METTL9: variants seen among roughly 807,000 people sequenced by gnomAD.
METTL9 encodes the protein protein-L-histidine N-pros-methyltransferase.
Under a neutral mutation model 36.0 loss-of-function variants are expected in METTL9, and 10 were observed. The ratio of observed to expected loss-of-function variants is 0.28; its 90% confidence interval spans 0.17 to 0.47. METTL9 has a LOEUF of 0.47. Ranked by LOEUF, METTL9 falls within the 20% of genes least tolerant of loss-of-function variation. METTL9 has a pLI of 0.99. For synonymous variants in METTL9, 175 were observed against 149.7 expected (o/e 1.17, Z -1.23); for missense variants, 246 against 383.5 (o/e 0.64, Z 3.00).
chr16:21,637,113 GGGGACCCGAGC>G (rs1966119073), intron 4 of METTL9, among the ~76,000 whole-genome samples: 1 of 152,176 alleles, frequency 6.6e-6, no homozygotes, highest in Admixed American at 6.5e-5. Context: ...CAGTATGGAA[GGGGACCCGAGC>G]GGGTTGCTGC....
At chr16:21,598,677 T>G (rs1490796837), upstream of METTL9, among the ~76,000 whole-genome samples, 2 of 152,200 alleles carry the variant, frequency 1.3e-5, no homozygotes, top group Admixed American at 6.5e-5. Context: ...GAAATGTTGC[T>G]AGGTCTCCTC....
chr16:21,617,746 AAC>A, intron 2 of METTL9, 117 bp from the exon 3 acceptor site: 4 of 909,212 alleles, frequency 4.4e-6, no homozygotes, highest in Non-Finnish European at 6.9e-6. Context: ...AAAAAATCTT[AAC>A]CATGTAATAA....
chr16:21,631,354 C>A (rs773447585), intron 4 of METTL9, among the ~76,000 whole-genome samples: 12 of 151,986 alleles, frequency 7.9e-5, no homozygotes, highest in Non-Finnish European at 1.8e-4. Context: ...TGTTGAAAAC[C>A]TTTTAAGTTT....
At chr16:21,608,495 C>T (rs981273977) in intron 1 of METTL9, among the ~76,000 whole-genome samples, 2 of 152,038 alleles carry the variant, frequency 1.3e-5, no homozygotes, top group African/African-American at 2.4e-5. Context: ...AGCTGGAGTC[C>T]CTAGACCATA....
At chr16:21,625,189 C>T in intron 4 of METTL9, 74 bp downstream of exon 4, 1 of 1,510,298 alleles carries the variant, frequency 6.6e-7, no homozygotes, top group South Asian at 1.1e-5. Flanking sequence ...GTGCTGTGTA[C>T]AATTAAATAT....
chr16:21,638,645 A>G (rs1966168659), intron 4 of METTL9, among the ~76,000 whole-genome samples: 1 of 152,338 alleles, frequency 6.6e-6, no homozygotes, highest in Non-Finnish European at 1.5e-5. Context: ...AAATTGTGGT[A>G]AGAAATATGT....
chr16:21,638,683 G>A lies in METTL9; in HGVS notation c.751+13568G>A, dbSNP rs150782462. ...AACTAAGTACTGAAGAATTAGAGACGAATAGATCTGTTAGCCTGTGGGTGA... is the reference window on the plus strand; with the variant it reads ...AACTAAGTACTGAAGAATTAGAGACAAATAGATCTGTTAGCCTGTGGGTGA... On this transcript the variant is annotated intron_variant, in intron 4 of 4. Coordinates refer to ENST00000358154, the MANE Select transcript of METTL9 (RefSeq NM_016025.5). 8.5e-5 allele frequency among the ~76,000 whole-genome samples: 13 copies of A among 152,286 alleles called. No homozygotes were observed. The East Asian group carries it at 1.5e-3, about 18-fold the overall frequency.
At position 21,599,984 on chromosome 16, in the gene METTL9, C is replaced by T; in HGVS notation, c.165+86C>T. ...CCGGCTATTGTGCGGGACGGCTCCGCGAGGGGGCGGCCCGGCCCTCGCCCC... is the reference window on the plus strand; with the variant it reads ...CCGGCTATTGTGCGGGACGGCTCCGTGAGGGGGCGGCCCGGCCCTCGCCCC... On this transcript the variant is annotated intron_variant, in intron 1 of 4. Coordinates refer to ENST00000358154, the MANE Select transcript of METTL9 (RefSeq NM_016025.5). This position sits in a 1 kb window ranked among gnomAD's most constrained non-coding sequence, Gnocchi z 4.4. 1 of 1,131,052 alleles carries T rather than the reference C, an allele frequency of 8.8e-7. No individual in the cohort carries two copies. The highest frequency in any genetic ancestry group is 1.6e-5 in the African/African-American group (1 of 61,342). 70.1% of individuals were successfully genotyped at this position (1,131,052 alleles called of 1,614,324 possible).
chr16:21,616,771 C>T (rs755396153), intron 2 of METTL9, among the ~76,000 whole-genome samples: 13 of 152,162 alleles, frequency 8.5e-5, no homozygotes, highest in African/African-American at 1.7e-4. Context: ...ATCTGTTATA[C>T]TAAAGCTCTT....
chr16:21,625,318 G>C (rs1303493035), intron 4 of METTL9: 1 of 568,102 alleles, frequency 1.8e-6, no homozygotes, highest in African/African-American at 1.9e-5. Flanking sequence ...CATTCCCCTT[G>C]CAGTGGTAAT....
intron 4 of METTL9, among the ~76,000 whole-genome samples, chr16:21,643,919 C>T (rs915575409): frequency 6.6e-6 from 1 of 152,084 alleles, no homozygotes; most frequent in Non-Finnish European, 1.5e-5. Context: ...TTCATCAACC[C>T]ATTTTTGTTC....
At chr16:21,608,231 T>C (rs914193389) in intron 1 of METTL9, among the ~76,000 whole-genome samples, 2 of 152,096 alleles carry the variant, frequency 1.3e-5, no homozygotes, top group African/African-American at 4.8e-5. Flanking sequence ...TAGCGTAGCT[T>C]TTTATCTAAG....
intron 1 of METTL9, among the ~76,000 whole-genome samples, 174 bp downstream of exon 1, chr16:21,600,072 C>T (rs1050137931): frequency 1.3e-5 from 2 of 151,900 alleles, no homozygotes; most frequent in African/African-American, 4.8e-5. Context: ...ACTCCGCGAG[C>T]CCCGGGCACC....
intron 4 of METTL9, chr16:21,647,122 C>T (rs1041774696): frequency 6.8e-6 from 11 of 1,614,054 alleles, no homozygotes; most frequent in Middle Eastern, 1.6e-4. Flanking sequence ...AATAAAGCCT[C>T]GCTGACTGAC....
At chr16:21,616,341 C>T (rs1567330011) in intron 2 of METTL9, among the ~76,000 whole-genome samples, 1 of 152,220 alleles carries the variant, frequency 6.6e-6, no homozygotes, top group Non-Finnish European at 1.5e-5. Context: ...CTCATTCGAA[C>T]AGCAGCAGCT....
intron 4 of METTL9, among the ~76,000 whole-genome samples, chr16:21,648,909 C>T (rs1458709403): frequency 6.6e-6 from 1 of 152,198 alleles, no homozygotes; most frequent in East Asian, 1.9e-4. Flanking sequence ...TATGGATCCC[C>T]ATTCATAACA....
At chr16:21,604,943 C>T (rs1340002667) in intron 1 of METTL9, among the ~76,000 whole-genome samples, 1 of 152,136 alleles carries the variant, frequency 6.6e-6, no homozygotes, top group African/African-American at 2.4e-5. Context: ...CTGACCAGCC[C>T]TTGCCTTGGA....
At chr16:21,623,112 A>T (rs1965743814) in intron 3 of METTL9, among the ~76,000 whole-genome samples, 1 of 152,182 alleles carries the variant, frequency 6.6e-6, no homozygotes, top group South Asian at 2.1e-4. Flanking sequence ...AATTTCCAAA[A>T]TTGCTATTAC....
intron 4 of METTL9, chr16:21,643,048 ATT>A: frequency 6.9e-7 from 1 of 1,458,266 alleles, no homozygotes; most frequent in Non-Finnish European, 9.5e-7. Context: ...CTGTATTTAC[ATT>A]TTTTTTTGAC....
Sources: gnomAD v4.1 joint callset for allele counts (sites outside exome capture counted in the v4.1 genomes callset) on GRCh38, gnomAD v4.1.1 for gene constraint, Gnocchi (gnomAD v3.1) non-coding constraint, MANE v1.5 for transcripts, NCBI Gene and HGNC (gene_info 2026-07-23, HGNC 2026-07-21) for gene names.